CASP14: variants seen among roughly 807,000 people sequenced by gnomAD.
The protein encoded by CASP14 is caspase-14.
In CASP14, 27 loss-of-function variants were observed where a neutral mutation model predicts 28.4. The ratio of observed to expected loss-of-function variants is 0.95; its 90% confidence interval spans 0.70 to 1.31. The LOEUF is 1.31. Ranked by LOEUF, CASP14 falls within the 50% of genes most tolerant of loss-of-function variation. CASP14 has a pLI of 0.00. For synonymous variants in CASP14, 115 were observed against 118.6 expected (o/e 0.97, Z 0.20); for missense variants, 323 against 312.8 (o/e 1.03, Z -0.25).
chr19:15,054,989 G>T, intron 4 of CASP14, 169 bp from the exon 5 acceptor site: 1 of 606,302 alleles, frequency 1.6e-6, no homozygotes, highest in Non-Finnish European at 3.0e-6. Flanking sequence ...TCCCAGGCTA[G>T]AGTGTAGTGG....
intron 1 of CASP14, 99 bp from the exon 2 acceptor site, chr19:15,052,107 C>T (rs1038375698): frequency 6.6e-6 from 5 of 760,452 alleles, no homozygotes; most frequent in Non-Finnish European, 1.1e-5. Context: ...CACTTGAGTG[C>T]TATTTGGTCT....
intron 4 of CASP14, among the ~76,000 whole-genome samples, chr19:15,054,647 T>C (rs965755856): frequency 1.5e-4 from 22 of 151,688 alleles, no homozygotes; most frequent in Admixed American, 1.3e-4. Flanking sequence ...ATCCTTTTTT[T>C]TTTTTTTTTT....
In CASP14 at chr19:15,052,275, A is replaced by T; in HGVS notation, c.24A>T (p.Glu8Asp). ...AAATGAGCAATCCGCGGTCTTTGGA[A>T]GAGGTAGGCTGGGTGCAGGTTGAGG... MSNPRSL[E>D]EEKYDMSGAR... is the part of the protein sequence containing the mutation. Residue 8 changes from glutamate to aspartate, a missense_variant, in exon 2 of 7, where the codon GAA becomes GAT. Transcript: ENST00000427043. 6.3e-7 allele frequency: 1 copy of T among 1,590,864 alleles called. No individual in the cohort carries two copies. The highest frequency in any genetic ancestry group is 1.4e-5 in the African/African-American group (1 of 73,880).
In CASP14 at chr19:15,055,530, A is replaced by C. The variant is rs2046112930; in HGVS notation, c.621A>C (p.Thr207=). ...AAGGACATATCTTGGAACTTCTGAC[A>C]GAGGTGAGTTGACAAAAGGTAGCTG... ...KRKGHILELL[T]EVTRRMAEAE... Residue 207 remains threonine (T), a synonymous_variant, in exon 6 of 7, where the codon ACA becomes ACC. Transcript: ENST00000427043. 2 of 1,612,980 alleles carry C rather than the reference A, an allele frequency of 1.2e-6. No homozygotes were observed. The highest frequency in any genetic ancestry group is 8.5e-7 in the Non-Finnish European group (1 of 1,178,960).
In CASP14 at chr19:15,055,284, C is replaced by T; in HGVS notation, c.520+10C>T. On this transcript the variant is annotated intron_variant, in intron 5 of 6. Coordinates refer to ENST00000427043, the MANE Select transcript of CASP14 (RefSeq NM_012114.3). ...TATTCCACGGTAGAGGGTATGAGCT[C>T]CCAGCTGGCCCAGGGATCCCTCTGC... The T allele has an allele frequency of 6.2e-7, 1 of 1,605,822 alleles. No individual in the cohort carries two copies. Among genetic ancestry groups the T allele is most frequent in the Non-Finnish European group, 8.5e-7 (1 of 1,172,576 alleles).
intron 1 of CASP14, among the ~76,000 whole-genome samples, chr19:15,049,946 A>G (rs2046082045): frequency 6.6e-6 from 1 of 152,104 alleles, no homozygotes; most frequent in Admixed American, 6.6e-5. Flanking sequence ...TCAGGCTTTC[A>G]GTCCTGAAAA....
At chr19:15,049,693 TCTCTCACACACACACA>T (rs1186129690) in intron 1 of CASP14, 48 bp downstream of exon 1, 19 of 112,086 alleles carry the variant, frequency 1.7e-4, no homozygotes, top group Non-Finnish European at 1.1e-4. Flanking sequence ...TCTCTCTCTC[TCTCTCACACACACACA>T]CACACACACA....
chr19:15,050,294 C>CTG (rs1221697764), intron 1 of CASP14, among the ~76,000 whole-genome samples: 340 of 142,714 alleles, frequency 2.4e-3, no homozygotes, highest in African/African-American at 7.1e-3. Flanking sequence ...ACAGCACTTG[C>CTG]TGTGTGTGTG....
In CASP14 at chr19:15,057,745, G is replaced by A. The variant is rs946717798; in HGVS notation, c.*1656G>A. On this transcript the variant is annotated 3_prime_UTR_variant, in exon 7 of 7. Transcript: ENST00000427043. ...CTCTAAAAAAAAAAATTAATTAACT[G>A]GGTATGGTGGCACATGCCTGTAGTC... 2 of 152,210 alleles carry A rather than the reference G, an allele frequency of 1.3e-5. No individual in the cohort carries two copies. The highest frequency in any genetic ancestry group is 4.8e-5 in the African/African-American group (2 of 41,368). 9.4% of individuals were successfully genotyped at this position (152,210 alleles called of 1,614,324 possible).
At chr19:15,050,321 T>TGTGA (rs201170850) in intron 1 of CASP14, among the ~76,000 whole-genome samples, 15,688 of 149,064 alleles carry the variant, frequency 0.11, 984 homozygotes, top group South Asian at 0.21. Flanking sequence ...TGTGTGTGTG[T>TGTGA]GAGAGAGAGA....
intron 2 of CASP14, among the ~76,000 whole-genome samples, 193 bp from the exon 3 acceptor site, chr19:15,053,289 G>C (rs2046099291): frequency 6.6e-6 from 1 of 151,940 alleles, no homozygotes; most frequent in Non-Finnish European, 1.5e-5. Context: ...TTCATTTTTT[G>C]TAGAGACAGA....
In CASP14 at chr19:15,052,220, G is replaced by C; in HGVS notation, c.-32G>C. 1 of 1,581,998 alleles carries C rather than the reference G, an allele frequency of 6.3e-7. No individual in the cohort carries two copies. The highest frequency in any genetic ancestry group is 8.6e-7 in the Non-Finnish European group (1 of 1,165,574). ...TTGACTCCAAGGATCAGACAAGGGT[G>C]CTGAGAGCCGGGACTCACAACCAAA... On this transcript the variant is annotated 5_prime_UTR_variant, in exon 2 of 7. Transcript: ENST00000427043.
intron 4 of CASP14, among the ~76,000 whole-genome samples, chr19:15,054,705 A>G (rs1480496662): frequency 6.6e-6 from 1 of 150,660 alleles, no homozygotes; most frequent in African/African-American, 2.5e-5. Context: ...CGATGGCACA[A>G]TCTTGGCTCA....
Position 15,055,196 on chromosome 19 carries a change from A to T in CASP14, c.442A>T (p.Ile148Phe). The T allele has an allele frequency of 6.2e-7, 1 of 1,613,966 alleles. No homozygotes were observed. Among genetic ancestry groups the T allele is most frequent in the East Asian group, 2.2e-5 (1 of 44,858 alleles). ...CGGTGAAACAGTAGGTGGAGATGAG[A>T]TTGTGATGGTCATCAAAGACAGCCC... ...DPGETVGGDE[I>F]VMVIKDSPQT... is the part of the protein sequence containing the mutation. Residue 148 changes from isoleucine to phenylalanine, a missense_variant, in exon 5 of 7, where the codon ATT (isoleucine) becomes TTT (phenylalanine). By Grantham distance (21) the Ile-to-Phe change is conservative (BLOSUM62 0). Transcript: ENST00000427043.
At chr19:15,054,589 GTTAAA>G (rs367645973) in intron 4 of CASP14, among the ~76,000 whole-genome samples, 6 of 149,804 alleles carry the variant, frequency 4.0e-5, no homozygotes, top group African/African-American at 1.5e-4. Context: ...TCTCTAAAAA[GTTAAA>G]TTAAATTAAA....
Position 15,053,915 on chromosome 19 carries a change from G to A in CASP14, c.360G>A (p.Leu120=), listed in dbSNP as rs1361423130. The change falls in exon 4 of 7, where the codon CTG becomes CTA. Residue 120 remains leucine, a synonymous_variant. Transcript: ENST00000427043. Reference sequence around the variant, plus strand: ...TGAACAACAAGAACTGCCAGGCCCTGCGAGCTAAGCCCAAGGTGTACATCA... The same window carrying A: ...TGAACAACAAGAACTGCCAGGCCCTACGAGCTAAGCCCAAGGTGTACATCA... ...EALNNKNCQA[L]RAKPKVYIIQ... 19 of 1,614,002 alleles carry A rather than the reference G, an allele frequency of 1.2e-5. No individual in the cohort carries two copies. The highest frequency in any genetic ancestry group is 1.6e-5 in the Non-Finnish European group (19 of 1,180,034).
rs1215923814 is a variant in CASP14 at position 15,057,564 on chromosome 19, GA to G, written c.*1477del. The G allele has an allele frequency of 6.6e-6, 1 of 151,932 alleles. No homozygotes were observed. The highest frequency in any genetic ancestry group is 1.5e-5 in the Non-Finnish European group (1 of 68,048). The allele number at this position is 151,932 out of a possible 1,614,324, so 9.4% of individuals were successfully genotyped here. A position where few individuals can be genotyped will look rare whatever the true frequency, so the allele number is the denominator to read the frequency against. On this transcript the variant is annotated 3_prime_UTR_variant, in exon 7 of 7. Transcript: ENST00000427043. ...ACCATCTATAACAGTGATCTCCCTG[GA>G]ACACTCAAGAAGACACAACATACCA...
In CASP14 at chr19:15,057,590, A is replaced by G. The variant is rs2046123452; in HGVS notation, c.*1501A>G. On this transcript the variant is annotated 3_prime_UTR_variant, in exon 7 of 7. Transcript: ENST00000427043. ...AACACTCAAGAAGACACAACATACC[A>G]TATTATTTAAAGACCAGGGTACTGG... is the stretch of plus-strand genomic sequence containing the variant. 1.3e-5 allele frequency: 2 copies of G among 152,062 alleles called. No homozygotes were observed. The highest frequency in any genetic ancestry group is 4.8e-5 in the African/African-American group (2 of 41,360). 9.4% of individuals were successfully genotyped at this position (152,062 alleles called of 1,614,324 possible). A position where few individuals can be genotyped will look rare whatever the true frequency, so the allele number is the denominator to read the frequency against.
chr19:15,049,715 ACACACACACACACACACG>A (rs2046080805), intron 1 of CASP14, 70 bp downstream of exon 1: 2 of 151,920 alleles, frequency 1.3e-5, no homozygotes, highest in African/African-American at 4.9e-5. Context: ...ACACACACAC[ACACACACACACACACACG>A]CACATACACA....
Sources: allele counts gnomAD v4.1 joint callset (sites outside exome capture counted in the v4.1 genomes callset), GRCh38; gene constraint gnomAD v4.1.1; transcripts MANE v1.5; gene names NCBI Gene and HGNC (gene_info 2026-07-23, HGNC 2026-07-21).